GTF2F2: variants seen among roughly 807,000 people sequenced by gnomAD.
GTF2F2 encodes the protein general transcription factor IIF subunit 2, also known as ATP-dependent helicase GTF2F2.
Under a neutral mutation model 42.2 loss-of-function variants are expected in GTF2F2, and 23 were observed. The ratio of observed to expected loss-of-function variants is 0.55; its 90% CI spans 0.39 to 0.77. The LOEUF (loss-of-function observed/expected upper bound fraction) is 0.77, where lower values mean the gene tolerates loss of function less well. GTF2F2 is among the 30% of genes least tolerant of loss of function. The probability of loss-of-function intolerance (pLI) is 0.00; values close to 1 mark genes in which losing one functional copy is unlikely to be tolerated. For missense variants in GTF2F2, 261 were observed against 287.2 expected, an observed-to-expected ratio of 0.91 and a Z score of 0.66; for synonymous variants, 105 against 100.8, an observed-to-expected ratio of 1.04 and a Z score of -0.25.
At chr13:45,202,025 AC>A (rs1005781415) in intron 4 of GTF2F2, among the ~76,000 whole-genome samples, 7 of 151,946 alleles carry the variant, frequency 4.6e-5, no homozygotes, top group African/African-American at 9.7e-5. Flanking sequence ...CTTCCTTCTT[AC>A]CCCCACCCAC....
At chr13:45,216,085 A>G (rs1043420858) in intron 5 of GTF2F2, among the ~76,000 whole-genome samples, 5 of 152,040 alleles carry the variant, frequency 3.3e-5, no homozygotes, top group African/African-American at 1.2e-4. Context: ...TACAACAACA[A>G]CAACAAAAAT....
chr13:45,231,212 ATTC>A lies in GTF2F2; in HGVS notation c.387-21654_387-21652del, dbSNP rs1874663238. On this transcript the variant is annotated intron_variant, in intron 5 of 7. Coordinates refer to ENST00000340473, the MANE Select transcript of GTF2F2 (RefSeq NM_004128.3). ...AACCTCTGCCTCCCAGGTTCAAGCA[ATTC>A]TTCTCCCTCAGCCTCCCGAGTAGCT... Among the ~76,000 whole-genome samples the A allele has an allele frequency of 3.3e-5, 5 of 152,018 alleles. No homozygotes were observed. In the South Asian group the frequency reaches 1.0e-3, roughly 31 times the overall value.
At chr13:45,223,293 T>A (rs1874195869) in intron 5 of GTF2F2, among the ~76,000 whole-genome samples, 1 of 150,396 alleles carries the variant, frequency 6.6e-6, no homozygotes, top group Non-Finnish European at 1.5e-5. Flanking sequence ...AAAAGTTGAT[T>A]TTTATAATCC....
At chr13:45,153,365 T>C (rs2138122340) in intron 4 of GTF2F2, among the ~76,000 whole-genome samples, 1 of 152,198 alleles carries the variant, frequency 6.6e-6, no homozygotes, top group East Asian at 1.9e-4. Context: ...CATAAAATGA[T>C]CTAAAAAATT....
At chr13:45,248,479 T>G (rs1420113615) in intron 5 of GTF2F2, among the ~76,000 whole-genome samples, 8 of 152,118 alleles carry the variant, frequency 5.3e-5, no homozygotes, top group Non-Finnish European at 1.2e-4. Context: ...TTGGTTTTTG[T>G]TTTTTGTTTT....
At chr13:45,143,961 GTTT>G (rs1870059138) in intron 2 of GTF2F2, among the ~76,000 whole-genome samples, 2 of 152,190 alleles carry the variant, frequency 1.3e-5, no homozygotes, top group South Asian at 4.2e-4. Flanking sequence ...TTAGTTTATA[GTTT>G]TGCTGGTCTG....
In GTF2F2 at chr13:45,162,561, CTGAAAA is replaced by C. The variant is rs1361022042; in HGVS notation, c.304+10731_304+10736del. 2.6e-5 allele frequency among the ~76,000 whole-genome samples: 4 copies of C among 152,338 alleles called. No individual in the cohort carries two copies. The East Asian group carries it at 7.7e-4, about 29-fold the overall frequency. ...CAACTGCCTGAGCCAGGTCTGCTCT[CTGAAAA>C]GTTAAACCTAATAGCAGAAAATGTT... On this transcript the variant is annotated intron_variant, in intron 4 of 7. Coordinates refer to ENST00000340473, the MANE Select transcript of GTF2F2 (RefSeq NM_004128.3).
chr13:45,204,997 C>A (rs1873355118), intron 4 of GTF2F2, among the ~76,000 whole-genome samples: 1 of 152,138 alleles, frequency 6.6e-6, no homozygotes, highest in Admixed American at 6.5e-5. Context: ...TACCCTTGAG[C>A]TGTCATATGG....
intron 1 of GTF2F2, among the ~76,000 whole-genome samples, chr13:45,124,970 C>T (rs1306104455): frequency 6.6e-6 from 1 of 152,164 alleles, no homozygotes; most frequent in East Asian, 1.9e-4. Flanking sequence ...GTGAGCCACC[C>T]TTCCCGGCTA....
At chr13:45,188,675 C>A (rs1872517883) in intron 4 of GTF2F2, among the ~76,000 whole-genome samples, 1 of 152,132 alleles carries the variant, frequency 6.6e-6, no homozygotes, top group Admixed American at 6.6e-5. Flanking sequence ...AGTTAAGGAT[C>A]TTGCTTATAA....
chr13:45,133,731 C>G (rs1470004065), intron 1 of GTF2F2, among the ~76,000 whole-genome samples: 1 of 152,172 alleles, frequency 6.6e-6, no homozygotes, highest in Non-Finnish European at 1.5e-5. Context: ...GAACCTGTTA[C>G]AATTTGATTA....
intron 4 of GTF2F2, among the ~76,000 whole-genome samples, chr13:45,166,066 A>C (rs1871286305): frequency 6.6e-6 from 1 of 152,090 alleles, no homozygotes; most frequent in African/African-American, 2.4e-5. Context: ...TGCCAGCATC[A>C]GCCTCTCAAA....
intron 2 of GTF2F2, 73 bp downstream of exon 2, chr13:45,136,879 T>C (rs983179210): frequency 1.1e-5 from 9 of 821,678 alleles, no homozygotes; most frequent in Non-Finnish European, 1.9e-5. Context: ...TTAAAAGTGA[T>C]TATAATTTCT....
chr13:45,193,691 G>C, intron 4 of GTF2F2: 1 of 1,134,422 alleles, frequency 8.8e-7, no homozygotes. Context: ...CTGTAGTACA[G>C]AGCTAGCTGG....
In GTF2F2 at chr13:45,181,050, C is replaced by G. The variant is rs145364647; in HGVS notation, c.305-26374C>G. ...AGTGGTACGTGCCGGTAGTGTAGTT[C>G]CAGCTATTCAGGAGGCTGAGGCAGG... On this transcript the variant is annotated intron_variant, in intron 4 of 7. Transcript: ENST00000340473. Among the ~76,000 whole-genome samples the G allele has an allele frequency of 4.0e-4, 61 of 151,934 alleles. 1 individual carries two copies. Among genetic ancestry groups the G allele is most frequent in the Non-Finnish European group, 7.5e-4 (51 of 67,990 alleles).
At chr13:45,170,160 A>G (rs1416250352) in intron 4 of GTF2F2, among the ~76,000 whole-genome samples, 2 of 152,178 alleles carry the variant, frequency 1.3e-5, no homozygotes, top group Non-Finnish European at 2.9e-5. Flanking sequence ...AATAGCTGGG[A>G]CTACAGGCAT....
intron 1 of GTF2F2, chr13:45,124,143 C>A: frequency 1.6e-6 from 1 of 617,640 alleles, no homozygotes. Flanking sequence ...TCTAAGGTGG[C>A]GCGATCTCGG....
At chr13:45,131,921 AG>A (rs1163763209) in intron 1 of GTF2F2, among the ~76,000 whole-genome samples, 28 of 140,472 alleles carry the variant, frequency 2.0e-4, no homozygotes, top group African/African-American at 6.9e-4. Context: ...AAAAAAAAAA[AG>A]AGAGAGAGAG....
chr13:45,165,609 A>T (rs1871257166), intron 4 of GTF2F2, among the ~76,000 whole-genome samples: 1 of 148,640 alleles, frequency 6.7e-6, no homozygotes, highest in Non-Finnish European at 1.5e-5. Context: ...ATTCTGGAAA[A>T]TTTCAAAACA....
Sources: allele counts gnomAD v4.1 joint callset (sites outside exome capture counted in the v4.1 genomes callset), GRCh38; gene constraint gnomAD v4.1.1; transcripts MANE v1.5; gene names NCBI Gene and HGNC (gene_info 2026-07-23, HGNC 2026-07-21).